The following ZNF75D variants were observed in gnomAD, a reference collection of about 807,000 sequenced individuals.
ZNF75D encodes zinc finger protein 75D, also known as zinc finger protein 75.
In ZNF75D, 33 loss-of-function variants were observed where a neutral mutation model predicts 33.3. The ratio of observed to expected loss-of-function variants is 0.99; its 90% confidence interval spans 0.75 to 1.32. The LOEUF is 1.32. Ranked by LOEUF, ZNF75D falls within the 40% of genes most tolerant of loss-of-function variation. ZNF75D has a pLI of 0.00. For missense variants in ZNF75D, 338 were observed against 367.5 expected (o/e 0.92, Z 0.66); for synonymous variants, 113 against 130.6 (o/e 0.87, Z 0.92).
At chrX:135,306,928 GTCT>G (rs1374103113) in intron 1 of ZNF75D, among the ~76,000 whole-genome samples, 1 of 110,734 alleles carries the variant, frequency 9.0e-6, no homozygotes, top group East Asian at 2.8e-4. Flanking sequence ...ACCCAGACTG[GTCT>G]TGAACTCCTG....
At chrX:135,293,005 T>A (rs1556421688) in intron 3 of ZNF75D, among the ~76,000 whole-genome samples, 1 of 111,845 alleles carries the variant, frequency 8.9e-6, no homozygotes, top group Admixed American at 9.4e-5. Flanking sequence ...GATTTGGTAG[T>A]AATAAGACAC....
intron 1 of ZNF75D, among the ~76,000 whole-genome samples, chrX:135,339,001 CT>C (rs1344788684): frequency 9.3e-6 from 1 of 107,391 alleles, no homozygotes; most frequent in Non-Finnish European, 1.9e-5. Context: ...TTCTCTCCCT[CT>C]CTCCCTACCC....
chrX:135,319,267 T>G (rs1284549190), intron 1 of ZNF75D, among the ~76,000 whole-genome samples: 1 of 112,773 alleles, frequency 8.9e-6, no homozygotes, highest in African/African-American at 3.2e-5. Flanking sequence ...TTGCGAAGCA[T>G]GCTTGCTGCT....
Position 135,287,431 on chromosome X carries a change from C to G in ZNF75D, c.1239G>C (p.Met413Ile). 8.3e-7 allele frequency: 1 copy of G among 1,211,500 alleles called. No individual in the cohort carries two copies. Among genetic ancestry groups the G allele is most frequent in the Admixed American group, 2.2e-5 (1 of 45,958 alleles). The change falls in exon 7 of 7, where the codon ATG (methionine) becomes ATC (isoleucine). Residue 413 changes from methionine to isoleucine, a missense_variant. Met to Ile is a conservative substitution (Grantham distance 10, BLOSUM62 1). Around this residue, in one of 3 missense-constraint regions of ZNF75D, gnomAD observed 79 missense variants for 80.1 expected, o/e 0.99. Transcript: ENST00000370766. ...TATATGGTTTTATTCCTTGATGGGT[C>G]ATGAAGTGCTTATTAAGATCTGAAC... ...RWSSDLNKHF[M>I]THQGIKPYRC...
chrX:135,306,353 T>C (rs1173856346), intron 1 of ZNF75D, among the ~76,000 whole-genome samples: 1 of 107,575 alleles, frequency 9.3e-6, no homozygotes, highest in Non-Finnish European at 1.9e-5. Flanking sequence ...ATAAAAAGCT[T>C]TGTGACAATT....
downstream of ZNF75D, among the ~76,000 whole-genome samples, chrX:135,283,213 T>C (rs1310977844): frequency 8.9e-6 from 1 of 111,878 alleles, no homozygotes; most frequent in Non-Finnish European, 1.9e-5. Flanking sequence ...TCTCCCTTTA[T>C]ATCTCATGAT....
intron 1 of ZNF75D, among the ~76,000 whole-genome samples, chrX:135,315,882 C>G (rs898804214): frequency 1.8e-5 from 2 of 111,549 alleles, no homozygotes; most frequent in African/African-American, 3.3e-5. Flanking sequence ...TACCCTTTTA[C>G]CCAGTCCATA....
At chrX:135,338,102 C>G (rs2084738351) in intron 1 of ZNF75D, among the ~76,000 whole-genome samples, 1 of 111,250 alleles carries the variant, frequency 9.0e-6, no homozygotes, top group Non-Finnish European at 1.9e-5. Context: ...ACACAATGAG[C>G]AGAGGAGGAA....
intron 1 of ZNF75D, among the ~76,000 whole-genome samples, chrX:135,263,041 ACAGT>A (rs1319984267): frequency 8.9e-6 from 1 of 112,503 alleles, no homozygotes; most frequent in Non-Finnish European, 1.9e-5. Context: ...TTTCCTTCTA[ACAGT>A]CAGGCCCCTC....
intron 1 of ZNF75D, among the ~76,000 whole-genome samples, chrX:135,305,437 T>C (rs2084273518): frequency 8.9e-6 from 1 of 111,908 alleles, no homozygotes; most frequent in Non-Finnish European, 1.9e-5. Context: ...CAAAGTTATT[T>C]TGCACCAACA....
intron 1 of ZNF75D, among the ~76,000 whole-genome samples, chrX:135,333,663 T>G (rs1465811037): frequency 1.8e-5 from 2 of 111,531 alleles, no homozygotes; most frequent in African/African-American, 6.5e-5. Context: ...ATGAGACATT[T>G]TCCTACACAA....
intron 3 of ZNF75D, chrX:135,249,362 C>G (rs1556413458): frequency 3.9e-6 from 1 of 253,461 alleles, no homozygotes; most frequent in Non-Finnish European, 7.5e-6. Flanking sequence ...GCCCCAGAAG[C>G]CTCTCTGCAC....
At chrX:135,279,403 GTCTA>G (rs2083911728) in intron 1 of ZNF75D, among the ~76,000 whole-genome samples, 1 of 111,556 alleles carries the variant, frequency 9.0e-6, no homozygotes, top group South Asian at 3.7e-4. Context: ...CTGGCTAGCA[GTCTA>G]TCTATTTTGT....
chrX:135,302,657 G>A (rs1227078292), intron 1 of ZNF75D, among the ~76,000 whole-genome samples: 4 of 111,972 alleles, frequency 3.6e-5, no homozygotes, highest in Non-Finnish European at 7.5e-5. Context: ...GTAGTCAGTC[G>A]TGATCTAAAT....
At chrX:135,319,976 A>G (rs2084475826) in intron 1 of ZNF75D, among the ~76,000 whole-genome samples, 1 of 112,745 alleles carries the variant, frequency 8.9e-6, no homozygotes, top group Non-Finnish European at 1.9e-5. Flanking sequence ...ATATATAACA[A>G]AAATGATATA....
At chrX:135,279,417 T>C (rs782000176) in intron 1 of ZNF75D, among the ~76,000 whole-genome samples, 7 of 112,033 alleles carry the variant, frequency 6.2e-5, no homozygotes, top group Non-Finnish European at 1.3e-4. Context: ...ATCTATTTTG[T>C]TAATCTTTTC....
chrX:135,341,657 T>C (rs1165760879), intron 1 of ZNF75D, 111 bp downstream of exon 1: 1 of 112,464 alleles, frequency 8.9e-6, no homozygotes, highest in Non-Finnish European at 1.9e-5. Flanking sequence ...AGAACTGTCT[T>C]TACCTAGGAA....
At chrX:135,257,676 C>T (rs2083811958) in intron 1 of ZNF75D, among the ~76,000 whole-genome samples, 1 of 112,165 alleles carries the variant, frequency 8.9e-6, no homozygotes, top group Non-Finnish European at 1.9e-5. Flanking sequence ...GTGGTGGTAG[C>T]CACAGAGGAC....
chrX:135,262,168 A>G (rs1556415638), intron 1 of ZNF75D, among the ~76,000 whole-genome samples: 1 of 112,097 alleles, frequency 8.9e-6, no homozygotes, highest in African/African-American at 3.2e-5. Context: ...ATCCACTGTT[A>G]GTCTGATGGG....
Sources: allele counts gnomAD v4.1 joint callset (sites outside exome capture counted in the v4.1 genomes callset), GRCh38; gene constraint gnomAD v4.1.1; regional missense constraint gnomAD v4.1.1; transcripts MANE v1.5; gene names NCBI Gene and HGNC (gene_info 2026-07-23, HGNC 2026-07-21).